Variants in KCNQ3 observed in about 807,000 individuals in gnomAD.
The protein encoded by KCNQ3 is potassium voltage-gated channel subfamily Q member 3.
Under a neutral mutation model 92.5 loss-of-function variants are expected in KCNQ3, and 30 were observed. That is an observed-to-expected ratio of 0.32 (90% CI 0.24 to 0.44). The LOEUF (loss-of-function observed/expected upper bound fraction) is 0.44, where lower values mean the gene tolerates loss of function less well. Ranked by LOEUF, KCNQ3 falls within the 20% of genes least tolerant of loss-of-function variation. KCNQ3 has a pLI of 1.00. For missense variants in KCNQ3, 913 were observed against 1,140.3 expected (o/e 0.80, Z 2.87); for synonymous variants, 450 against 468.8 (o/e 0.96, Z 0.52).
intron 7 of KCNQ3, among the ~76,000 whole-genome samples, chr8:132,171,603 T>C (rs1442952462): frequency 1.3e-5 from 2 of 152,216 alleles, no homozygotes; most frequent in Non-Finnish European, 2.9e-5. Context: ...TCCATGGTTG[T>C]CTACTGGGCA....
At chr8:132,479,171 C>T (rs948667198) in intron 1 of KCNQ3, among the ~76,000 whole-genome samples, 2 of 152,174 alleles carry the variant, frequency 1.3e-5, no homozygotes, top group African/African-American at 4.8e-5. Flanking sequence ...GCACCCCCAC[C>T]ATCCTCTCCC....
intron 8 of KCNQ3, among the ~76,000 whole-genome samples, chr8:132,169,866 A>G (rs888987195): frequency 1.3e-5 from 2 of 150,686 alleles, no homozygotes; most frequent in African/African-American, 2.4e-5. Flanking sequence ...CTTTATTTTT[A>G]TTTTTATTTT....
At chr8:132,291,197 A>C (rs1277795378) in intron 1 of KCNQ3, among the ~76,000 whole-genome samples, 1 of 152,184 alleles carries the variant, frequency 6.6e-6, no homozygotes, top group Non-Finnish European at 1.5e-5. Flanking sequence ...CATATAAAGC[A>C]CTCAGCACAG....
chr8:132,151,942 C>T (rs1026179415), intron 9 of KCNQ3, among the ~76,000 whole-genome samples: 4 of 152,128 alleles, frequency 2.6e-5, no homozygotes, highest in Non-Finnish European at 5.9e-5. Context: ...TATGGGATTT[C>T]TAAAATTCTA....
At chr8:132,333,044 G>C (rs1391125721) in intron 1 of KCNQ3, among the ~76,000 whole-genome samples, 2 of 151,032 alleles carry the variant, frequency 1.3e-5, no homozygotes, top group Non-Finnish European at 3.0e-5. Flanking sequence ...TGGATGGATG[G>C]ATGGATGGAT....
Position 132,190,360 on chromosome 8 carries a change from AT to A in KCNQ3, c.387-4180del, listed in dbSNP as rs780642115. Among the ~76,000 whole-genome samples, 525 of 147,900 alleles carry A rather than the reference AT, an allele frequency of 3.5e-3. 3 individuals are homozygous for A. The highest frequency in any genetic ancestry group is 9.1e-3 in the African/African-American group (368 of 40,512). On this transcript the variant is annotated intron_variant, in intron 1 of 14. Transcript: ENST00000388996. The stretch of plus-strand genomic sequence containing the variant: ...GAGATAAGATGTCACTACTCTGTGT[AT>A]TTTTTTTTTTAATATGGCAAAGGCA...
intron 1 of KCNQ3, among the ~76,000 whole-genome samples, chr8:132,291,733 C>T (rs1397875571): frequency 1.3e-5 from 2 of 152,164 alleles, no homozygotes; most frequent in Admixed American, 1.3e-4. Context: ...GAGCCAAGGC[C>T]TCCAAATTGT....
chr8:132,230,449 CAG>C (rs5895132), intron 1 of KCNQ3, among the ~76,000 whole-genome samples: 1,859 of 142,130 alleles, frequency 0.013, 19 homozygotes, highest in African/African-American at 0.032. Context: ...GAGAGAGAGA[CAG>C]AGAGAGAGAG....
chr8:132,181,975 G>A (rs1826793966), intron 3 of KCNQ3, among the ~76,000 whole-genome samples: 1 of 151,604 alleles, frequency 6.6e-6, no homozygotes, highest in African/African-American at 2.4e-5. Flanking sequence ...AACCCAGGAG[G>A]TGGAGCTTGC....
chr8:132,379,839 A>C lies in KCNQ3; in HGVS notation c.386+100308T>G, dbSNP rs539025481. Among the ~76,000 whole-genome samples, 7 of 150,610 alleles carry C rather than the reference A, an allele frequency of 4.6e-5. No individual in the cohort carries two copies. In the South Asian group the frequency reaches 1.5e-3, roughly 32 times the overall value. On this transcript the variant is annotated intron_variant, in intron 1 of 14. Coordinates refer to ENST00000388996, the MANE Select transcript of KCNQ3 (RefSeq NM_004519.4). Reference sequence around the variant, plus strand: ...TTGCTATTACTACTGGGGCTATAATATATACCCCTGATTTACTTTCTAGAA... The same window carrying C: ...TTGCTATTACTACTGGGGCTATAATCTATACCCCTGATTTACTTTCTAGAA...
intron 1 of KCNQ3, among the ~76,000 whole-genome samples, chr8:132,315,323 T>TG (rs754446132): frequency 5.3e-5 from 8 of 151,250 alleles, no homozygotes; most frequent in East Asian, 3.9e-4. Context: ...GAGGGTGAGG[T>TG]GTGAGAAGAG....
intron 1 of KCNQ3, among the ~76,000 whole-genome samples, chr8:132,240,448 A>G (rs1283105265): frequency 6.6e-6 from 1 of 152,084 alleles, no homozygotes; most frequent in Non-Finnish European, 1.5e-5. Context: ...AGTATCCCAA[A>G]GTGCTCGGAT....
At chr8:132,343,268 T>A (rs1383762263) in intron 1 of KCNQ3, among the ~76,000 whole-genome samples, 1 of 152,236 alleles carries the variant, frequency 6.6e-6, no homozygotes, top group Non-Finnish European at 1.5e-5. Flanking sequence ...GTACACTGTG[T>A]TCCAGACCCT....
chr8:132,385,830 T>A (rs1351320147), intron 1 of KCNQ3, among the ~76,000 whole-genome samples: 1 of 151,880 alleles, frequency 6.6e-6, no homozygotes, highest in Non-Finnish European at 1.5e-5. Context: ...AGCAAGGAAG[T>A]GTAATGAACA....
intron 1 of KCNQ3, among the ~76,000 whole-genome samples, chr8:132,250,607 C>T (rs1815373810): frequency 6.6e-6 from 1 of 152,124 alleles, no homozygotes; most frequent in Non-Finnish European, 1.5e-5. Flanking sequence ...TTGTACAGCA[C>T]ATGAACCGAT....
At chr8:132,463,573 C>A (rs12114194) in intron 1 of KCNQ3, among the ~76,000 whole-genome samples, 36,119 of 152,130 alleles carry the variant, frequency 0.24, 4,539 homozygotes, top group East Asian at 0.37. Context: ...AAACTCAGCA[C>A]TGGCCTCCCT....
intron 1 of KCNQ3, among the ~76,000 whole-genome samples, chr8:132,263,422 A>C (rs1815857757): frequency 6.6e-6 from 1 of 152,162 alleles, no homozygotes; most frequent in African/African-American, 2.4e-5. Flanking sequence ...ATTTCTATCC[A>C]GTTCCCTGAA....
At chr8:132,136,955 C>G (rs970110305) in intron 12 of KCNQ3, among the ~76,000 whole-genome samples, 1 of 151,622 alleles carries the variant, frequency 6.6e-6, no homozygotes, top group East Asian at 1.9e-4. Flanking sequence ...CCTCCGCCCC[C>G]CCAGGTTCAA....
chr8:132,259,988 AT>A (rs1815723462), intron 1 of KCNQ3, among the ~76,000 whole-genome samples: 1 of 152,196 alleles, frequency 6.6e-6, no homozygotes. Flanking sequence ...CATTGTTGAC[AT>A]TAACTTTTAA....
Sources: allele counts gnomAD v4.1 joint callset (sites outside exome capture counted in the v4.1 genomes callset), GRCh38; gene constraint gnomAD v4.1.1; transcripts MANE v1.5; gene names NCBI Gene and HGNC (gene_info 2026-07-23, HGNC 2026-07-21).